The following SYNE3 variants were observed in gnomAD, a reference collection of about 807,000 sequenced individuals.
The protein encoded by SYNE3 is spectrin repeat containing nuclear envelope family member 3, also known as nesprin-3.
SYNE3 carries 100 observed loss-of-function variants against 111.2 expected under a neutral mutation model. That is an observed-to-expected ratio of 0.90 (90% CI 0.77 to 1.06). SYNE3 has a LOEUF of 1.06. Ranked by LOEUF, SYNE3 falls within the 50% of genes least tolerant of loss-of-function variation. SYNE3 has a pLI of 0.00. For synonymous variants in SYNE3, 547 were observed against 533.9 expected, an observed-to-expected ratio of 1.02 and a Z score of -0.34; for missense variants, 1,160 against 1,240.3, an observed-to-expected ratio of 0.94 and a Z score of 0.97.
intron 4 of SYNE3, among the ~76,000 whole-genome samples, chr14:95,463,110 C>A (rs1371711424): frequency 6.6e-6 from 1 of 152,150 alleles, no homozygotes; most frequent in Non-Finnish European, 1.5e-5. Context: ...GAGCTGAGAT[C>A]ATGCCATTGT....
chr14:95,482,539 G>A (rs975836209), intron 1 of SYNE3, among the ~76,000 whole-genome samples: 11 of 152,236 alleles, frequency 7.2e-5, no homozygotes, highest in South Asian at 2.1e-4. Context: ...ACCCAATCTC[G>A]TTAGCGAACT....
At chr14:95,480,608 C>T (rs1889182894) in intron 1 of SYNE3, among the ~76,000 whole-genome samples, 1 of 152,226 alleles carries the variant, frequency 6.6e-6, no homozygotes, top group Non-Finnish European at 1.5e-5. Context: ...GGACAGGAAT[C>T]TTCCAGAATC....
intron 7 of SYNE3, chr14:95,450,725 T>C (rs903211990): frequency 2.0e-5 from 3 of 152,428 alleles, no homozygotes; most frequent in Non-Finnish European, 4.4e-5. Context: ...TCTGATTCTA[T>C]AGTAGGTATA....
At chr14:95,478,069 T>C (rs1330439564) in intron 1 of SYNE3, among the ~76,000 whole-genome samples, 3 of 152,098 alleles carry the variant, frequency 2.0e-5, no homozygotes, top group Non-Finnish European at 2.9e-5. Flanking sequence ...CAGTGGTTGG[T>C]GTCTGGAGGG....
intron 1 of SYNE3, among the ~76,000 whole-genome samples, chr14:95,487,857 C>T (rs1031575747): frequency 1.3e-5 from 2 of 152,096 alleles, no homozygotes; most frequent in African/African-American, 4.8e-5. Flanking sequence ...TGTGGGTCCC[C>T]TCATACACAG....
chr14:95,462,650 C>T (rs1258158418), intron 4 of SYNE3, among the ~76,000 whole-genome samples: 1 of 152,216 alleles, frequency 6.6e-6, no homozygotes, highest in Non-Finnish European at 1.5e-5. Flanking sequence ...GATGCAAGGG[C>T]TCCCTCTTCA....
chr14:95,455,850 A>G (rs1173887200), intron 5 of SYNE3, 126 bp from the exon 6 acceptor site: 2 of 937,306 alleles, frequency 2.1e-6, no homozygotes, highest in Non-Finnish European at 3.2e-6. Context: ...TTAGAGCCAG[A>G]GAGGGGCCTT....
chr14:95,433,419 A>G lies in SYNE3; in HGVS notation c.2539-10T>C. ...CCCGAGCCTCCAGCTCCTGGGGGAA[A>G]CAGCAGCGTCATGGTGCGGCTTCCA... On this transcript the variant is annotated splice_polypyrimidine_tract_variant and intron_variant, in intron 15 of 17. Transcript: ENST00000682763. The G allele has an allele frequency of 1.9e-6, 3 of 1,613,678 alleles. No individual in the cohort carries two copies. The East Asian group carries it at 6.7e-5, about 36-fold the overall frequency.
chr14:95,470,746 T>G lies in SYNE3; in HGVS notation c.145-2779A>C, dbSNP rs1350541183. On this transcript the variant is annotated intron_variant, in intron 2 of 17. Coordinates refer to ENST00000682763, the MANE Select transcript of SYNE3 (RefSeq NM_152592.6). This position sits in a 1 kb window ranked among gnomAD's most constrained non-coding sequence, Gnocchi z 4.2. ...AGGCCGAGGCGGACAGATCACGAGG[T>G]CAGGAGTTTGAGGCCATCCTGGCCA... Among the ~76,000 whole-genome samples, 1 of 151,802 alleles carries G rather than the reference T, an allele frequency of 6.6e-6. No individual in the cohort carries two copies. The highest frequency in any genetic ancestry group is 1.5e-5 in the Non-Finnish European group (1 of 67,968).
intron 1 of SYNE3, among the ~76,000 whole-genome samples, chr14:95,478,791 T>C (rs1195438107): frequency 6.6e-6 from 1 of 152,210 alleles, no homozygotes; most frequent in Non-Finnish European, 1.5e-5. Context: ...CTTAGCTCAC[T>C]GGCTAGACAA....
chr14:95,444,422 C>T (rs770308640), intron 10 of SYNE3, 63 bp downstream of exon 10: 29 of 1,523,190 alleles, frequency 1.9e-5, no homozygotes, highest in Admixed American at 1.7e-4. Context: ...TAGAGGGAGA[C>T]GCTGCTTCCA....
chr14:95,511,453 C>T (rs1890718032), intron 1 of SYNE3, among the ~76,000 whole-genome samples: 1 of 152,162 alleles, frequency 6.6e-6, no homozygotes. Context: ...GTAATCCCAG[C>T]ATTTTGGGAG....
intron 17 of SYNE3, 37 bp downstream of exon 17, chr14:95,432,042 C>T: frequency 6.2e-7 from 1 of 1,604,256 alleles, no homozygotes; most frequent in East Asian, 2.2e-5. Context: ...AGGCACCCTG[C>T]CTGCTAGCCG....
chr14:95,469,176 G>A (rs1033104219), intron 2 of SYNE3, among the ~76,000 whole-genome samples: 1 of 152,090 alleles, frequency 6.6e-6, no homozygotes, highest in Non-Finnish European at 1.5e-5. Flanking sequence ...TCTCCCTGAG[G>A]GCTGGTGGTC....
chr14:95,505,340 T>C (rs960320474), intron 1 of SYNE3, among the ~76,000 whole-genome samples: 3 of 152,214 alleles, frequency 2.0e-5, no homozygotes, highest in African/African-American at 7.2e-5. Flanking sequence ...TGGAGAGCTC[T>C]GAGTAAAGCC....
chr14:95,443,781 G>C (rs1886540399), intron 10 of SYNE3: 1 of 152,404 alleles, frequency 6.6e-6, no homozygotes. Flanking sequence ...CAAGTAGCTG[G>C]GGTTACAGAT....
chr14:95,445,690 C>T (rs1299496685), intron 9 of SYNE3, among the ~76,000 whole-genome samples: 1 of 152,172 alleles, frequency 6.6e-6, no homozygotes, highest in Non-Finnish European at 1.5e-5. Context: ...GGGAGGCAGA[C>T]AGGTGGTGGC....
At chr14:95,430,059 A>G in intron 17 of SYNE3, 1 of 662,898 alleles carries the variant, frequency 1.5e-6, no homozygotes, top group Non-Finnish European at 1.9e-6. Context: ...CTGTGAACAT[A>G]CCACAGTAAC....
intron 16 of SYNE3, 29 bp downstream of exon 16, chr14:95,433,231 T>C (rs1235025152): frequency 3.1e-6 from 5 of 1,608,560 alleles, no homozygotes; most frequent in Non-Finnish European, 4.2e-6. Flanking sequence ...GTCCCTGGAA[T>C]CTGGGACCTG....
Sources: allele counts gnomAD v4.1 joint callset (sites outside exome capture counted in the v4.1 genomes callset), GRCh38; gene constraint gnomAD v4.1.1; non-coding constraint Gnocchi (gnomAD v3.1); transcripts MANE v1.5; gene names NCBI Gene and HGNC (gene_info 2026-07-23, HGNC 2026-07-21).